The following ETV6 variants were observed in gnomAD, a reference collection of about 807,000 sequenced individuals.
ETV6 encodes transcription factor ETV6.
A neutral mutation model predicts 51.1 loss-of-function variants in ETV6; 16 were observed. The ratio of observed to expected loss-of-function variants is 0.31; its 90% CI spans 0.21 to 0.48. The LOEUF (loss-of-function observed/expected upper bound fraction) is 0.48, where lower values mean the gene tolerates loss of function less well. Ranked by LOEUF, ETV6 falls within the 20% of genes least tolerant of loss-of-function variation. The pLI is 0.99. For missense variants in ETV6, 458 were observed against 594.8 expected (o/e 0.77, Z 2.39); for synonymous variants, 240 against 224.1 (o/e 1.07, Z -0.64).
intron 5 of ETV6, among the ~76,000 whole-genome samples, chr12:11,876,161 G>T (rs1431725582): frequency 1.3e-5 from 2 of 152,162 alleles, no homozygotes; most frequent in Non-Finnish European, 2.9e-5. Flanking sequence ...GTTCTGGACT[G>T]CAGGCTATAT....
intron 2 of ETV6, among the ~76,000 whole-genome samples, chr12:11,782,662 C>T (rs76630398): frequency 0.016 from 2,427 of 152,172 alleles, 74 homozygotes; most frequent in African/African-American, 0.056. Context: ...TGTAGATGTG[C>T]AAGGTATTGA....
chr12:11,726,917 T>C (rs527865601), intron 1 of ETV6, among the ~76,000 whole-genome samples: 41 of 152,360 alleles, frequency 2.7e-4, no homozygotes, highest in Middle Eastern at 3.4e-3. Context: ...CTGCACAGCC[T>C]TTCAAGATAG....
In ETV6 at chr12:11,739,256, G is replaced by A. The variant is rs529615385; in HGVS notation, c.34-13194G>A. Among the ~76,000 whole-genome samples the A allele has an allele frequency of 4.1e-3, 620 of 152,178 alleles. 6 individuals carry two copies. The highest frequency in any genetic ancestry group is 4.9e-3 in the Non-Finnish European group (332 of 68,012). The stretch of plus-strand genomic sequence containing the variant: ...GACTCTGATGACTATTGCTGTTGGG[G>A]AAAAGAAGGAAAAGGAACAGGGGTC... On this transcript the variant is annotated intron_variant, in intron 1 of 7. Transcript: ENST00000396373.
intron 1 of ETV6, chr12:11,751,948 C>T (rs936869376): frequency 2.6e-6 from 1 of 391,612 alleles, no homozygotes; most frequent in African/African-American, 2.1e-5. Flanking sequence ...AAATCTAGAA[C>T]TTATCTTTGA....
intron 1 of ETV6, among the ~76,000 whole-genome samples, chr12:11,706,185 A>G (rs1294190992): frequency 1.3e-5 from 2 of 152,230 alleles, no homozygotes; most frequent in African/African-American, 4.8e-5. Context: ...AAGGAATGAA[A>G]ATAACAACGC....
At chr12:11,799,352 C>T (rs1042834567) in intron 2 of ETV6, among the ~76,000 whole-genome samples, 1 of 152,186 alleles carries the variant, frequency 6.6e-6, no homozygotes, top group Non-Finnish European at 1.5e-5. Flanking sequence ...GTCACATTAT[C>T]CATGTGCATT....
chr12:11,777,239 CAAAAAAAAA>C (rs5796465), intron 2 of ETV6, among the ~76,000 whole-genome samples: 6 of 78,892 alleles, frequency 7.6e-5, no homozygotes, highest in African/African-American at 1.1e-4. Context: ...GACTCCGTGT[CAAAAAAAAA>C]AAAAAAAAAA....
chr12:11,807,332 A>G (rs1219357074), intron 2 of ETV6, among the ~76,000 whole-genome samples: 1 of 152,232 alleles, frequency 6.6e-6, no homozygotes, highest in African/African-American at 2.4e-5. Flanking sequence ...ATCACTTTTT[A>G]TTTAACACAT....
intron 2 of ETV6, chr12:11,752,909 T>C (rs1428226144): frequency 4.8e-6 from 1 of 208,724 alleles, no homozygotes; most frequent in Non-Finnish European, 9.5e-6. Flanking sequence ...TTATCTGTAT[T>C]CTCAAATTCA....
chr12:11,892,276 A>G lies in ETV6; in HGVS notation c.*1230A>G, dbSNP rs748169828. 31 of 219,112 alleles carry G rather than the reference A, an allele frequency of 1.4e-4. No individual in the cohort carries two copies. Among genetic ancestry groups the G allele is most frequent in the Non-Finnish European group, 2.3e-4 (27 of 115,642 alleles). The allele number at this position is 219,112 out of a possible 1,614,324, so 13.6% of individuals were successfully genotyped here. ...TAAAGTTTCCTGGTCTCCACTGGAC[A>G]CAGAGCTTTGGAGACGGAGGATCCC... On this transcript the variant is annotated 3_prime_UTR_variant, in exon 8 of 8. Transcript: ENST00000396373.
At chr12:11,739,708 AAGAAT>A (rs71057765) in intron 1 of ETV6, among the ~76,000 whole-genome samples, 48,663 of 151,802 alleles carry the variant, frequency 0.32, 8,359 homozygotes, top group East Asian at 0.41. Flanking sequence ...TATACATTGA[AAGAAT>A]ATTTTGGCCA....
At chr12:11,814,086 T>C (rs946147188) in intron 2 of ETV6, among the ~76,000 whole-genome samples, 3 of 152,222 alleles carry the variant, frequency 2.0e-5, no homozygotes, top group Non-Finnish European at 4.4e-5. Context: ...TGCAAAGCTA[T>C]TATTAACTGG....
At chr12:11,680,389 T>C (rs1422679368) in intron 1 of ETV6, among the ~76,000 whole-genome samples, 1 of 152,222 alleles carries the variant, frequency 6.6e-6, no homozygotes, top group Non-Finnish European at 1.5e-5. Flanking sequence ...AATAGTGGAA[T>C]ATTTTGCTTC....
intron 1 of ETV6, among the ~76,000 whole-genome samples, chr12:11,733,407 CAAAAA>C (rs11394100): frequency 2.5e-3 from 252 of 101,052 alleles, no homozygotes; most frequent in Non-Finnish European, 3.7e-3. Flanking sequence ...GACTCCATCT[CAAAAA>C]AAAAAAAAAA....
chr12:11,741,859 C>T (rs935637696), intron 1 of ETV6, among the ~76,000 whole-genome samples: 2 of 152,164 alleles, frequency 1.3e-5, no homozygotes, highest in African/African-American at 2.4e-5. Context: ...GACAGTGATT[C>T]GCAACTTTAG....
At chr12:11,766,917 G>T (rs967071050) in intron 2 of ETV6, among the ~76,000 whole-genome samples, 2 of 152,160 alleles carry the variant, frequency 1.3e-5, no homozygotes, top group Non-Finnish European at 2.9e-5. Flanking sequence ...CTGGGTGGAC[G>T]ATATTCTTGT....
chr12:11,823,077 G>T (rs888595212), intron 2 of ETV6, among the ~76,000 whole-genome samples: 1 of 152,176 alleles, frequency 6.6e-6, no homozygotes, highest in African/African-American at 2.4e-5. Context: ...CAGGAAAAGC[G>T]AAGTTAGAGC....
intron 2 of ETV6, among the ~76,000 whole-genome samples, chr12:11,754,311 G>C (rs960559381): frequency 1.3e-5 from 2 of 151,902 alleles, no homozygotes; most frequent in Admixed American, 1.3e-4. Context: ...TTCTAGCACA[G>C]AGAAAAAAAA....
At chr12:11,803,920 T>A (rs1386089129) in intron 2 of ETV6, among the ~76,000 whole-genome samples, 2 of 151,998 alleles carry the variant, frequency 1.3e-5, no homozygotes, top group Non-Finnish European at 2.9e-5. Flanking sequence ...ATTATTAGTA[T>A]CATCATCATC....
Sources: allele counts gnomAD v4.1 joint callset (sites outside exome capture counted in the v4.1 genomes callset), GRCh38; gene constraint gnomAD v4.1.1; transcripts MANE v1.5; gene names NCBI Gene and HGNC (gene_info 2026-07-23, HGNC 2026-07-21).